The following NHS variants were observed in gnomAD, a reference collection of about 807,000 sequenced individuals.
NHS encodes the protein actin remodeling regulator NHS.
Under a neutral mutation model 72.5 loss-of-function variants are expected in NHS, and 5 were observed. The ratio of observed to expected loss-of-function variants is 0.07; its 90% CI spans 0.04 to 0.14. The LOEUF is 0.14. Ranked by LOEUF, NHS falls within the 10% of genes least tolerant of loss-of-function variation. The pLI is 1.00. For missense variants in NHS, 1,072 were observed against 1,355.7 expected (o/e 0.79, Z 3.29); for synonymous variants, 464 against 547.7 (o/e 0.85, Z 2.13).
chrX:17,592,281 C>T (rs2065606294), intron 1 of NHS, among the ~76,000 whole-genome samples: 2 of 111,851 alleles, frequency 1.8e-5, no homozygotes, highest in Non-Finnish European at 3.8e-5. Flanking sequence ...ATGTCTGACT[C>T]ATTTGGGTCC....
chrX:17,603,635 G>A (rs1463660220), intron 1 of NHS, among the ~76,000 whole-genome samples: 1 of 111,648 alleles, frequency 9.0e-6, no homozygotes, highest in Non-Finnish European at 1.9e-5. Flanking sequence ...ATTATTAATG[G>A]TTCAAACAAA....
At chrX:17,412,154 AC>A (rs1440955567) in intron 1 of NHS, among the ~76,000 whole-genome samples, 6 of 110,132 alleles carry the variant, frequency 5.4e-5, no homozygotes, top group African/African-American at 2.0e-4. Flanking sequence ...TGGATGAGTA[AC>A]ATTAGTGTGG....
At chrX:17,479,385 G>T (rs1045464372) in intron 1 of NHS, among the ~76,000 whole-genome samples, 1 of 112,378 alleles carries the variant, frequency 8.9e-6, no homozygotes, top group African/African-American at 3.2e-5. Flanking sequence ...TGTCTTTATA[G>T]TAGAGTGATT....
At chrX:17,681,896 A>T (rs2066131319) in intron 1 of NHS, among the ~76,000 whole-genome samples, 1 of 111,697 alleles carries the variant, frequency 9.0e-6, no homozygotes, top group Non-Finnish European at 1.9e-5. Context: ...ATTTGTTAAG[A>T]GACCTAGATC....
intron 3 of NHS, among the ~76,000 whole-genome samples, chrX:17,707,542 C>G (rs1418880028): frequency 9.0e-6 from 1 of 111,695 alleles, no homozygotes; most frequent in Non-Finnish European, 1.9e-5. Context: ...GGAAGTCACT[C>G]AAACTAGGAC....
At chrX:17,678,256 T>C (rs781072367) in intron 1 of NHS, among the ~76,000 whole-genome samples, 21 of 109,493 alleles carry the variant, frequency 1.9e-4, no homozygotes, top group African/African-American at 7.1e-4. Flanking sequence ...TTTTAGACTT[T>C]TTTGAATGAC....
chrX:17,433,196 CTTTTTTTTTTTTTTTT>C (rs768285319), intron 1 of NHS, among the ~76,000 whole-genome samples: 1 of 64,631 alleles, frequency 1.5e-5, no homozygotes, highest in Admixed American at 1.8e-4. Context: ...CGCCCGGCTA[CTTTTTTTTTTTTTTTT>C]TTTTTTTTTT....
At chrX:17,687,648 C>A in intron 1 of NHS, 94 bp from the exon 2 acceptor site, 1 of 1,019,871 alleles carries the variant, frequency 9.8e-7, no homozygotes, top group Non-Finnish European at 1.4e-6. Flanking sequence ...CCACTCCACC[C>A]AGACTTTACT....
intron 1 of NHS, among the ~76,000 whole-genome samples, chrX:17,597,721 G>A (rs1167861452): frequency 2.7e-5 from 3 of 110,616 alleles, no homozygotes; most frequent in Non-Finnish European, 5.7e-5. Flanking sequence ...TAGATAAGAG[G>A]GAACTCAGCT....
intron 1 of NHS, among the ~76,000 whole-genome samples, chrX:17,684,534 C>T (rs911991880): frequency 1.9e-4 from 21 of 110,950 alleles, no homozygotes; most frequent in African/African-American, 6.9e-4. Context: ...GGAGTGAGGC[C>T]CTCAGCTCCT....
intron 1 of NHS, among the ~76,000 whole-genome samples, chrX:17,646,754 A>T (rs1452487127): frequency 8.9e-6 from 1 of 112,250 alleles, no homozygotes; most frequent in Non-Finnish European, 1.9e-5. Flanking sequence ...TCAGCAAAAC[A>T]TCCCCTTTTC....
chrX:17,572,436 C>G (rs770137969), intron 1 of NHS, among the ~76,000 whole-genome samples: 80 of 98,781 alleles, frequency 8.1e-4, no homozygotes, highest in Admixed American at 1.5e-3. Context: ...TTCTTTGTCT[C>G]TTTTGATCTT....
At chrX:17,451,595 T>A (rs1365297171) in intron 1 of NHS, among the ~76,000 whole-genome samples, 1 of 112,317 alleles carries the variant, frequency 8.9e-6, no homozygotes, top group Non-Finnish European at 1.9e-5. Flanking sequence ...TCTAGATTTC[T>A]ATTACTAATA....
intron 1 of NHS, among the ~76,000 whole-genome samples, chrX:17,592,456 C>T (rs1369254220): frequency 9.0e-6 from 1 of 111,730 alleles, no homozygotes; most frequent in Non-Finnish European, 1.9e-5. Flanking sequence ...CTTGTGCTCC[C>T]CAATTGGCAA....
chrX:17,480,045 T>C (rs991651603), intron 1 of NHS, among the ~76,000 whole-genome samples: 2 of 111,382 alleles, frequency 1.8e-5, no homozygotes, highest in African/African-American at 3.3e-5. Context: ...ACAAAGAGAA[T>C]AAAATACCTA....
At chrX:17,723,751 G>GTGTA (rs1180109728) in intron 5 of NHS, among the ~76,000 whole-genome samples, 1 of 95,670 alleles carries the variant, frequency 1.0e-5, no homozygotes, top group Non-Finnish European at 2.0e-5. Context: ...GTGTGTGTGT[G>GTGTA]TGTGTGTGTG....
chrX:17,484,269 C>G (rs924956404), intron 1 of NHS, among the ~76,000 whole-genome samples: 1 of 112,764 alleles, frequency 8.9e-6, no homozygotes, highest in African/African-American at 3.2e-5. Flanking sequence ...AACCACCACA[C>G]AGTTGGAAGA....
chrX:17,518,964 T>G (rs1263251036), intron 1 of NHS, among the ~76,000 whole-genome samples: 1 of 112,230 alleles, frequency 8.9e-6, no homozygotes, highest in African/African-American at 3.2e-5. Flanking sequence ...ACTGTATTTC[T>G]CTGTTGCTTG....
At chrX:17,464,962 A>T (rs2064864694) in intron 1 of NHS, among the ~76,000 whole-genome samples, 1 of 112,221 alleles carries the variant, frequency 8.9e-6, no homozygotes, top group African/African-American at 3.2e-5. Flanking sequence ...ATGATCTCTG[A>T]TGCTCTAGCT....
Sources: allele counts gnomAD v4.1 joint callset (sites outside exome capture counted in the v4.1 genomes callset), GRCh38; gene constraint gnomAD v4.1.1; transcripts MANE v1.5; gene names NCBI Gene and HGNC (gene_info 2026-07-23, HGNC 2026-07-21).